The following SMURF2 variants were observed in gnomAD, a reference collection of about 807,000 sequenced individuals.
The protein encoded by SMURF2 is SMAD specific E3 ubiquitin protein ligase 2.
SMURF2 carries 48 observed loss-of-function variants against 109.6 expected under a neutral mutation model. The observed-to-expected ratio is 0.44, with a 90% CI of 0.35 to 0.56. SMURF2 has a LOEUF of 0.56. Among genes scored for constraint, SMURF2 ranks in the 20% least tolerant of loss-of-function variants. The pLI is 0.01. For synonymous variants in SMURF2, 288 were observed against 317.1 expected, an observed-to-expected ratio of 0.91 and a Z score of 0.97; for missense variants, 575 against 909.0, an observed-to-expected ratio of 0.63 and a Z score of 4.72.
intron 4 of SMURF2, chr17:64,593,237 A>G (rs1555687818): frequency 1.1e-5 from 3 of 283,578 alleles, no homozygotes; most frequent in African/African-American, 6.7e-5. Context: ...AAATAAATTT[A>G]GATCAGGAAT....
intron 1 of SMURF2, among the ~76,000 whole-genome samples, chr17:64,650,335 T>A (rs1555693366): frequency 6.7e-6 from 1 of 149,214 alleles, no homozygotes; most frequent in East Asian, 1.9e-4. Flanking sequence ...TCACACGGGT[T>A]TTTTGTTTTT....
chr17:64,551,510 C>A, intron 16 of SMURF2, 74 bp downstream of exon 16: 1 of 1,524,164 alleles, frequency 6.6e-7, no homozygotes, highest in East Asian at 2.3e-5. Context: ...ATGCTTTCCT[C>A]TAAAACTAAG....
intron 1 of SMURF2, among the ~76,000 whole-genome samples, chr17:64,623,806 G>A (rs1970234022): frequency 1.3e-5 from 2 of 152,266 alleles, no homozygotes; most frequent in East Asian, 1.9e-4. Flanking sequence ...TACCAAGTTG[G>A]ACATAATGCC....
intron 10 of SMURF2, among the ~76,000 whole-genome samples, chr17:64,566,583 T>TTTTTTTTTTTTTTTTTTTG (rs1969314045): frequency 8.7e-6 from 1 of 115,522 alleles, no homozygotes; most frequent in Non-Finnish European, 1.8e-5. Flanking sequence ...TTTTTTTTTT[T>TTTTTTTTTTTTTTTTTTTG]TTTTTTTTGA....
Position 64,581,946 on chromosome 17 carries a change from G to A in SMURF2, c.570-955C>T, listed in dbSNP as rs1026500039. On this transcript the variant is annotated intron_variant, in intron 7 of 18. Transcript: ENST00000262435. The surrounding 1 kb of genome is among the most constrained non-coding windows in gnomAD (Gnocchi z 4.3). ...ACTGCACTCTAGCCTAGGCAATAGA[G>A]CGGGACTCCATCTCCAAAAAAAAAA... Among the ~76,000 whole-genome samples, 18 of 150,308 alleles carry A rather than the reference G, an allele frequency of 1.2e-4. No individual in the cohort carries two copies. The highest frequency in any genetic ancestry group is 2.5e-4 in the Non-Finnish European group (17 of 67,776).
rs1196737437 is a variant in SMURF2, at chr17:64,551,707, G to A, written c.1749-3C>T. 1.9e-6 allele frequency: 3 copies of A among 1,613,280 alleles called. No homozygotes were observed. Among genetic ancestry groups the A allele is most frequent in the African/African-American group, 2.7e-5 (2 of 74,890 alleles). On this transcript the variant is annotated splice_region_variant and splice_polypyrimidine_tract_variant and intron_variant, in intron 15 of 18. Transcript: ENST00000262435. ...AAAATCTCCAGTTCACATAGAGCCT[G>A]TAAACATTCGGCAGGATTTCGTATA...
intron 3 of SMURF2, among the ~76,000 whole-genome samples, chr17:64,594,736 T>C (rs1260647222): frequency 2.0e-5 from 3 of 152,084 alleles, no homozygotes; most frequent in Non-Finnish European, 2.9e-5. Context: ...CCTGTAATTC[T>C]AGCACTTTAG....
chr17:64,622,374 A>T (rs1489480374), intron 1 of SMURF2, among the ~76,000 whole-genome samples: 1 of 152,192 alleles, frequency 6.6e-6, no homozygotes, highest in East Asian at 1.9e-4. Context: ...TACATTAATT[A>T]AAATTGGTGT....
chr17:64,609,923 AC>A (rs782617586), intron 1 of SMURF2, among the ~76,000 whole-genome samples: 2 of 151,400 alleles, frequency 1.3e-5, no homozygotes, highest in African/African-American at 2.4e-5. Context: ...AAAAAAAAAA[AC>A]CCCATCAAAA....
intron 8 of SMURF2, among the ~76,000 whole-genome samples, chr17:64,580,466 T>TA (rs1969563594): frequency 6.6e-6 from 1 of 152,368 alleles, no homozygotes; most frequent in African/African-American, 2.4e-5. Context: ...AATACCATCT[T>TA]ACCTTTCTAT....
chr17:64,656,609 T>A (rs1970709035), intron 1 of SMURF2, among the ~76,000 whole-genome samples: 1 of 151,502 alleles, frequency 6.6e-6, no homozygotes, highest in African/African-American at 2.4e-5. Context: ...CTTAAAAATA[T>A]CCACACACTT....
At chr17:64,660,864 T>C (rs1033307851) in intron 1 of SMURF2, 3 of 152,164 alleles carry the variant, frequency 2.0e-5, no homozygotes, top group Non-Finnish European at 4.4e-5. Flanking sequence ...GGCATGTCCA[T>C]GTAAGAATAC....
intron 2 of SMURF2, among the ~76,000 whole-genome samples, chr17:64,601,437 A>G (rs1257930692): frequency 1.3e-5 from 2 of 152,260 alleles, no homozygotes; most frequent in Non-Finnish European, 2.9e-5. Context: ...GCCAATAAGC[A>G]TAATGAAAAA....
intron 6 of SMURF2, among the ~76,000 whole-genome samples, chr17:64,585,457 G>C (rs1969639936): frequency 6.6e-6 from 1 of 152,124 alleles, no homozygotes; most frequent in Non-Finnish European, 1.5e-5. Context: ...CAGTTTATGA[G>C]TATGCTATTA....
At chr17:64,647,783 C>T (rs1555693095) in intron 1 of SMURF2, among the ~76,000 whole-genome samples, 2 of 151,706 alleles carry the variant, frequency 1.3e-5, no homozygotes, top group East Asian at 1.9e-4. Flanking sequence ...TTGGTAGACA[C>T]AGTGGCTCAT....
At chr17:64,557,874 A>C (rs1969148655) in intron 12 of SMURF2, 152 bp from the exon 13 acceptor site, 2 of 528,536 alleles carry the variant, frequency 3.8e-6, no homozygotes, top group South Asian at 3.1e-5. Flanking sequence ...ACATTGGAAA[A>C]ATCTACCGTA....
intron 1 of SMURF2, among the ~76,000 whole-genome samples, chr17:64,613,745 G>GTGT (rs1568195629): frequency 1.4e-4 from 12 of 87,542 alleles, no homozygotes; most frequent in Admixed American, 2.6e-4. Flanking sequence ...TGTGTGTGTG[G>GTGT]AGGGGGGGCA....
intron 1 of SMURF2, among the ~76,000 whole-genome samples, chr17:64,618,567 G>A (rs1384723533): frequency 1.3e-5 from 2 of 152,108 alleles, no homozygotes; most frequent in African/African-American, 4.8e-5. Flanking sequence ...TGCTGCTGCT[G>A]GAGACTCAAC....
chr17:64,617,691 T>G (rs962083112), intron 1 of SMURF2, among the ~76,000 whole-genome samples: 1 of 152,122 alleles, frequency 6.6e-6, no homozygotes, highest in Non-Finnish European at 1.5e-5. Context: ...TCTTGCCATG[T>G]TGCCCAGGCT....
Sources: allele counts gnomAD v4.1 joint callset (sites outside exome capture counted in the v4.1 genomes callset), GRCh38; gene constraint gnomAD v4.1.1; non-coding constraint Gnocchi (gnomAD v3.1); transcripts MANE v1.5; gene names NCBI Gene and HGNC (gene_info 2026-07-23, HGNC 2026-07-21).